Variants in IL10RA observed in about 807,000 individuals in gnomAD.
IL10RA encodes interleukin 10 receptor subunit alpha.
Under a neutral mutation model 29.6 loss-of-function variants are expected in IL10RA, and 18 were observed. The observed-to-expected ratio is 0.61, with a 90% CI of 0.42 to 0.90. The LOEUF is 0.90. Among genes scored for constraint, IL10RA ranks in the 40% least tolerant of loss-of-function variants. The pLI is 0.00. For missense variants in IL10RA, 634 were observed against 716.6 expected (o/e 0.88, Z 1.32); for synonymous variants, 292 against 294.1 (o/e 0.99, Z 0.07).
At chr11:117,988,554 C>A (rs1024565319) in intron 2 of IL10RA, 52 bp downstream of exon 2, 2 of 1,603,110 alleles carry the variant, frequency 1.2e-6, no homozygotes, top group African/African-American at 2.7e-5. Flanking sequence ...CCCGCCTTGT[C>A]CTCTACTCTC....
chr11:117,993,514 A>AAGGG (rs1482059258), intron 4 of IL10RA, 104 bp downstream of exon 4: 1 of 1,030,536 alleles, frequency 9.7e-7, no homozygotes, highest in Non-Finnish European at 1.5e-6. Context: ...TTATGGACTA[A>AAGGG]AGGGAGGGTC....
rs1341551657 is a variant in IL10RA, at chr11:117,998,709, C to T, written c.811-6C>T. On this transcript the variant is annotated splice_polypyrimidine_tract_variant and splice_region_variant and intron_variant, in intron 6 of 6. Transcript: ENST00000227752. The stretch of plus-strand genomic sequence containing the variant: ...TGCTTCTCTCACTCTGCCCTCTCTT[C>T]CCCAGCTCTTCAAGAAGCCCAGCCC... 1.9e-6 allele frequency: 3 copies of T among 1,613,836 alleles called. No individual in the cohort carries two copies.
chr11:117,998,616 C>A, intron 6 of IL10RA, 99 bp from the exon 7 acceptor site: 1 of 951,422 alleles, frequency 1.1e-6, no homozygotes, highest in South Asian at 1.3e-5. Flanking sequence ...GTAGTCTCCT[C>A]CATCGAGCTC....
Position 117,999,907 on chromosome 11 carries a change from A to C in IL10RA, c.*266A>C, listed in dbSNP as rs1381043107. 6.1e-6 allele frequency: 4 copies of C among 652,402 alleles called. No homozygotes were observed. The highest frequency in any genetic ancestry group is 1.1e-5 in the Non-Finnish European group (4 of 354,200). The allele number at this position is 652,402 out of a possible 1,614,324, so 40.4% of individuals were successfully genotyped here. ...CCTGCAGACTCTGGCAGAGCTGAGA[A>C]GGGCAGGGACCTTCTCCCTCCTAGG... On this transcript the variant is annotated 3_prime_UTR_variant, in exon 7 of 7. Transcript: ENST00000227752.
chr11:117,993,141 A>T, intron 3 of IL10RA, 100 bp from the exon 4 acceptor site: 2 of 1,101,688 alleles, frequency 1.8e-6, no homozygotes, highest in Non-Finnish European at 2.8e-6. Flanking sequence ...CCTAGGTTCT[A>T]ATTAAGCTTA....
rs540939893 is a variant in IL10RA, at chr11:117,988,949, C to T, written c.188+447C>T. The stretch of plus-strand genomic sequence containing the variant: ...CTAATGTTTGCATTTTTAGTAGAGA[C>T]GGGTTTTCACCATGTTGGCCAGGCT... On this transcript the variant is annotated intron_variant, in intron 2 of 6. Coordinates refer to ENST00000227752, the MANE Select transcript of IL10RA (RefSeq NM_001558.4). Among the ~76,000 whole-genome samples the T allele has an allele frequency of 1.6e-3, 243 of 152,176 alleles. 2 individuals are homozygous for T. Among genetic ancestry groups the T allele is most frequent in the African/African-American group, 5.1e-3 (212 of 41,526 alleles).
chr11:117,996,486 G>A (rs553912385), intron 6 of IL10RA, among the ~76,000 whole-genome samples: 1 of 152,350 alleles, frequency 6.6e-6, no homozygotes, highest in South Asian at 2.1e-4. Context: ...ATTGAAGATT[G>A]CCCACCATAG....
chr11:117,988,325 G>C, intron 1 of IL10RA, 57 bp from the exon 2 acceptor site: 1 of 1,610,054 alleles, frequency 6.2e-7, no homozygotes, highest in South Asian at 1.1e-5. Flanking sequence ...TGGTAAAATT[G>C]GGGTCATCAA....
At position 117,994,125 on chromosome 11, in the gene IL10RA, G is replaced by T. The variant is rs1483043124; in HGVS notation, c.664G>T (p.Glu222Ter). The change falls in exon 5 of 7, where the codon GAG becomes TAG. Residue 222 changes from glutamate (E) to a stop codon, truncating the protein, a stop_gained. Coordinates refer to ENST00000227752, the MANE Select transcript of IL10RA (RefSeq NM_001558.4). LOFTEE classifies it high-confidence loss of function. ...TAACAAGGGGATGTGGTCTAAAGAG[G>T]AGTGCATCTCCCTCACCAGGCAGTG... ...RSNKGMWSKEECISLTRQYFT... is the reference protein window; with the variant it reads ...RSNKGMWSKE The T allele has an allele frequency of 1.2e-6, 2 of 1,614,064 alleles. No individual in the cohort carries two copies. The highest frequency in any genetic ancestry group is 1.7e-6 in the Non-Finnish European group (2 of 1,180,028).
rs776667090 is a variant in IL10RA at position 117,999,096 on chromosome 11, C to G, written c.1192C>G (p.Gln398Glu). 1 of 1,611,360 alleles carries G rather than the reference C, an allele frequency of 6.2e-7. No individual in the cohort carries two copies. Among genetic ancestry groups the G allele is most frequent in the East Asian group, 2.2e-5 (1 of 44,790 alleles). ...ACAGGTGGGGAGCAACAGCAGGGGC[C>G]AGGATGACAGTGGCATTGACTTAGT... is the stretch of plus-strand genomic sequence containing the variant. The part of the protein sequence containing the change: ...EQQVGSNSRG[Q>E]DDSGIDLVQN... Residue 398 changes from glutamine (Q) to glutamate (E), a missense_variant, in exon 7 of 7, where the codon CAG becomes GAG. Physicochemically the swap from Gln to Glu is conservative, Grantham distance 29. Coordinates refer to ENST00000227752, the MANE Select transcript of IL10RA (RefSeq NM_001558.4).
At chr11:117,993,830 T>C (rs1381801212) in intron 4 of IL10RA, among the ~76,000 whole-genome samples, 169 bp from the exon 5 acceptor site, 2 of 152,228 alleles carry the variant, frequency 1.3e-5, no homozygotes, top group East Asian at 3.8e-4. Context: ...AATAAAATTG[T>C]GGTCATTACA....
Position 117,998,912 on chromosome 11 carries a change from C to T in IL10RA, c.1008C>T (p.Leu336=). 6.2e-7 allele frequency: 1 copy of T among 1,614,054 alleles called. No homozygotes were observed. The highest frequency in any genetic ancestry group is 8.5e-7 in the Non-Finnish European group (1 of 1,179,906). ...TGCAGACTGAAGAGCCCCAGTTCCT[C>T]CTCCCTGACCCTCACCCCCAGGCTG... ...PSLQTEEPQF[L]LPDPHPQADR... is the part of the protein sequence containing the mutation. The change falls in exon 7 of 7, where the codon CTC becomes CTT. Residue 336 remains leucine, a synonymous_variant. Coordinates refer to ENST00000227752, the MANE Select transcript of IL10RA (RefSeq NM_001558.4).
chr11:117,989,067 G>C lies in IL10RA; in HGVS notation c.189-375G>C, dbSNP rs550686616. Among the ~76,000 whole-genome samples the C allele has an allele frequency of 1.1e-4, 16 of 152,330 alleles. No homozygotes were observed. The highest frequency in any genetic ancestry group is 3.4e-4 in the African/African-American group (14 of 41,576). On this transcript the variant is annotated intron_variant, in intron 2 of 6. Transcript: ENST00000227752. The surrounding 1 kb of genome is among the most constrained non-coding windows in gnomAD (Gnocchi z 4.5). ...TGAGCCACCACCTCCGGCCTCCAAGGCTTTTCTATCTTACTGGAAAAGGAG... is the reference window on the plus strand; with the variant it reads ...TGAGCCACCACCTCCGGCCTCCAAGCCTTTTCTATCTTACTGGAAAAGGAG...
chr11:117,992,397 G>A (rs1204243340), intron 3 of IL10RA, among the ~76,000 whole-genome samples: 1 of 152,194 alleles, frequency 6.6e-6, no homozygotes. Flanking sequence ...TCTAACAGGT[G>A]TGGAGTGGTA....
chr11:117,987,050 C>T, intron 1 of IL10RA: 1 of 379,554 alleles, frequency 2.6e-6, no homozygotes, highest in South Asian at 1.9e-5. Flanking sequence ...CTCCTCCTAA[C>T]CCAGCCAGTT....
At chr11:117,993,181 C>T in intron 3 of IL10RA, 60 bp from the exon 4 acceptor site, 2 of 1,508,880 alleles carry the variant, frequency 1.3e-6, no homozygotes, top group Non-Finnish European at 9.2e-7. Context: ...GGCGGGGACA[C>T]CCAGGCCCTC....
chr11:117,991,478 CA>C (rs1330441255), intron 3 of IL10RA, among the ~76,000 whole-genome samples: 1 of 152,154 alleles, frequency 6.6e-6, no homozygotes. Flanking sequence ...CCTTGCCGTG[CA>C]ATAGGCACCA....
rs151026683 is a variant in IL10RA at position 117,995,890 on chromosome 11, A to T, written c.810+180A>T. On this transcript the variant is annotated intron_variant, in intron 6 of 6. Transcript: ENST00000227752. ...GTGGGGACAGAGGGAGGAAGTGAGCATGAAGCCCAGTACCGAGAATGTTGC... is the reference window on the plus strand; with the variant it reads ...GTGGGGACAGAGGGAGGAAGTGAGCTTGAAGCCCAGTACCGAGAATGTTGC... 6.0e-3 allele frequency among the ~76,000 whole-genome samples: 909 copies of T among 152,314 alleles called. 10 individuals carry two copies. Among genetic ancestry groups the T allele is most frequent in the African/African-American group, 0.021 (873 of 41,572 alleles).
intron 1 of IL10RA, 121 bp downstream of exon 1, chr11:117,986,655 T>C (rs1022432170): frequency 2.0e-6 from 3 of 1,537,568 alleles, no homozygotes; most frequent in Non-Finnish European, 2.6e-6. Context: ...GCCCGGGTGC[T>C]CCCTTACTCT....
Sources: allele counts gnomAD v4.1 joint callset (sites outside exome capture counted in the v4.1 genomes callset), GRCh38; gene constraint gnomAD v4.1.1; non-coding constraint Gnocchi (gnomAD v3.1); transcripts MANE v1.5; gene names NCBI Gene and HGNC (gene_info 2026-07-23, HGNC 2026-07-21).